LRP2: variants seen among roughly 807,000 people sequenced by gnomAD.
LRP2 encodes the protein low-density lipoprotein receptor-related protein 2.
LRP2 carries 172 observed loss-of-function variants against 531.0 expected under a neutral mutation model. The ratio of observed to expected loss-of-function variants is 0.32; its 90% CI spans 0.29 to 0.37. The LOEUF (loss-of-function observed/expected upper bound fraction) is 0.37, where lower values mean the gene tolerates loss of function less well. Among genes scored for constraint, LRP2 ranks in the 10% least tolerant of loss-of-function variants. The pLI, the probability that LRP2 is intolerant of heterozygous loss-of-function variation, is 1.00. For missense variants in LRP2, 5,167 were observed against 5,868.3 expected (o/e 0.88, Z 3.90); for synonymous variants, 1,992 against 2,027.6 (o/e 0.98, Z 0.47).
chr2:169,299,127 G>GAAGGAAAT (rs1684213548), intron 4 of LRP2, among the ~76,000 whole-genome samples: 1 of 84,798 alleles, frequency 1.2e-5, no homozygotes, highest in African/African-American at 4.5e-5. Context: ...AAGAAAGAAA[G>GAAGGAAAT]AAAGAAAGAA....
At chr2:169,291,579 G>A (rs1177268568) in intron 7 of LRP2, among the ~76,000 whole-genome samples, 2 of 152,126 alleles carry the variant, frequency 1.3e-5, no homozygotes, top group African/African-American at 4.8e-5. Flanking sequence ...ATTGTTGGAG[G>A]TACTGCTGAT....
rs754354761 is a variant in LRP2, at chr2:169,237,190, A to G, written c.4604T>C (p.Val1535Ala). The G allele has an allele frequency of 7.7e-5, 125 of 1,613,730 alleles. No homozygotes were observed. The highest frequency in any genetic ancestry group is 9.7e-5 in the Non-Finnish European group (115 of 1,179,810). Residue 1535 changes from valine (V) to alanine (A), a missense_variant, in exon 28 of 79, where the codon GTC becomes GCC. This residue lies in a region of LRP2 where 2,811 missense variants were observed against 3,058.0 expected (regional missense o/e 0.92). Coordinates refer to ENST00000649046, the MANE Select transcript of LRP2 (RefSeq NM_004525.3). The part of the protein sequence containing the change: ...WTDYALETIE[V>A]SKIDGSHRTV... The stretch of plus-strand genomic sequence containing the variant: ...CCTGTGGCTCCCATCAATTTTGGAG[A>G]CTTCAATTGTTTCCAGAGCATAGTC...
chr2:169,300,889 C>T (rs1255729212), intron 4 of LRP2, among the ~76,000 whole-genome samples: 3 of 152,070 alleles, frequency 2.0e-5, no homozygotes, highest in Admixed American at 6.6e-5. Context: ...TCACAGTCCA[C>T]AAAATGACTT....
At chr2:169,195,008 C>T (rs1687959345) in intron 46 of LRP2, among the ~76,000 whole-genome samples, 2 of 152,174 alleles carry the variant, frequency 1.3e-5, no homozygotes, top group Non-Finnish European at 2.9e-5. Context: ...CGCGCCTGGC[C>T]TGATCCAGAT....
At chr2:169,323,963 A>G (rs186539110) in intron 1 of LRP2, among the ~76,000 whole-genome samples, 7 of 152,264 alleles carry the variant, frequency 4.6e-5, no homozygotes, top group Admixed American at 1.3e-4. Flanking sequence ...TCACAAAGGA[A>G]CCATCGGAAC....
chr2:169,356,767 A>G (rs1217743435), intron 1 of LRP2, among the ~76,000 whole-genome samples: 2 of 152,250 alleles, frequency 1.3e-5, no homozygotes, highest in Admixed American at 1.3e-4. Context: ...GCTGATCATT[A>G]TCAAGAAGCA....
chr2:169,339,002 C>T (rs1451812929), intron 1 of LRP2, among the ~76,000 whole-genome samples: 1 of 152,040 alleles, frequency 6.6e-6, no homozygotes, highest in Non-Finnish European at 1.5e-5. Context: ...ATGGGTCTGG[C>T]ATATCAGTAA....
At chr2:169,129,699 G>A (rs918203558) in intron 77 of LRP2, among the ~76,000 whole-genome samples, 4 of 152,110 alleles carry the variant, frequency 2.6e-5, no homozygotes, top group African/African-American at 9.7e-5. Flanking sequence ...TACTTGCTGA[G>A]TCACAGCAAG....
In LRP2 at chr2:169,146,875, G is replaced by A. The variant is rs749138980; in HGVS notation, c.12675C>T (p.Phe4225=). ...GGCCAGTTGGCCAACCAAGGTCCTCGAAAACCAGGATGTTGCGGTCCTCTC... is the reference window on the plus strand; with the variant it reads ...GGCCAGTTGGCCAACCAAGGTCCTCAAAAACCAGGATGTTGCGGTCCTCTC... ...MNGEDRNILV[F]EDLGWPTGLS... is the part of the protein sequence containing the mutation. The change falls in exon 69 of 79, where the codon TTC becomes TTT. Residue 4225 remains phenylalanine (F), a synonymous_variant. Coordinates refer to ENST00000649046, the MANE Select transcript of LRP2 (RefSeq NM_004525.3). The A allele has an allele frequency of 1.4e-5, 22 of 1,614,090 alleles. No individual in the cohort carries two copies. The highest frequency in any genetic ancestry group is 6.7e-5 in the Admixed American group (4 of 60,010).
chr2:169,203,109 T>C, intron 42 of LRP2, 150 bp from the exon 43 acceptor site: 1 of 702,148 alleles, frequency 1.4e-6, no homozygotes, highest in Non-Finnish European at 2.5e-6. Flanking sequence ...TTAACTATAT[T>C]CTGAGTCACT....
In LRP2 at chr2:169,155,767, T is replaced by C. The variant is rs532153501; in HGVS notation, c.12151+507A>G. On this transcript the variant is annotated intron_variant, in intron 65 of 78. Transcript: ENST00000649046. ...AAGTTATGACTGTGCCAGACTCCTT[T>C]CTGCCTGTGATCAGTAGTCCATGAA... Among the ~76,000 whole-genome samples the C allele has an allele frequency of 2.6e-5, 4 of 152,310 alleles. No individual in the cohort carries two copies. In the East Asian group the frequency reaches 5.8e-4, roughly 22 times the overall value.
At chr2:169,209,280 G>T (rs978041803) in intron 38 of LRP2, among the ~76,000 whole-genome samples, 173 bp downstream of exon 38, 2 of 152,106 alleles carry the variant, frequency 1.3e-5, no homozygotes, top group African/African-American at 4.8e-5. Context: ...CTGAAACACC[G>T]TATCATTTAT....
intron 26 of LRP2, 55 bp downstream of exon 26, chr2:169,239,467 CATTTG>C: frequency 6.2e-7 from 1 of 1,613,068 alleles, no homozygotes; most frequent in Non-Finnish European, 8.5e-7. Flanking sequence ...CTACATGTGC[CATTTG>C]ATTTTAAGCT....
rs1685166904 is a variant in LRP2, at chr2:169,128,340, A to C, written c.*323T>G. On this transcript the variant is annotated 3_prime_UTR_variant, in exon 79 of 79. Transcript: ENST00000649046. ...TGTTGGATCATTTACTATAATGATCACCAACCAAATCAGCAGACATCTTTA... is the reference window on the plus strand; with the variant it reads ...TGTTGGATCATTTACTATAATGATCCCCAACCAAATCAGCAGACATCTTTA... 1 of 243,586 alleles carries C rather than the reference A, an allele frequency of 4.1e-6. No homozygotes were observed. The highest frequency in any genetic ancestry group is 5.0e-5 in the South Asian group (1 of 20,004). 15.1% of individuals were successfully genotyped at this position (243,586 alleles called of 1,614,324 possible). A position where few individuals can be genotyped will look rare whatever the true frequency, so the allele number is the denominator to read the frequency against.
At chr2:169,292,475 A>G (rs1160562671) in intron 6 of LRP2, 106 bp from the exon 7 acceptor site, 14 of 796,274 alleles carry the variant, frequency 1.8e-5, no homozygotes, top group Non-Finnish European at 2.9e-5. Context: ...TGAAATTTCT[A>G]TATCAATTTA....
chr2:169,143,469 C>T (rs1338933515), intron 70 of LRP2, among the ~76,000 whole-genome samples: 2 of 151,800 alleles, frequency 1.3e-5, no homozygotes, highest in South Asian at 2.1e-4. Context: ...AGTGAAACCT[C>T]GTCTCTACTA....
intron 46 of LRP2, among the ~76,000 whole-genome samples, chr2:169,194,447 C>G (rs1404543002): frequency 6.6e-6 from 1 of 152,146 alleles, no homozygotes; most frequent in Non-Finnish European, 1.5e-5. Flanking sequence ...GTTCCTAGAA[C>G]ACCACTGTTC....
At chr2:169,157,305 G>A in intron 64 of LRP2, 66 bp downstream of exon 64, 1 of 1,481,238 alleles carries the variant, frequency 6.8e-7, no homozygotes, top group Non-Finnish European at 9.4e-7. Flanking sequence ...TTTAACAAAG[G>A]GGAGTGGGTG....
At chr2:169,233,632 A>T in intron 29 of LRP2, 44 bp from the exon 30 acceptor site, 1 of 1,563,980 alleles carries the variant, frequency 6.4e-7, no homozygotes. Flanking sequence ...CAAAAATCAA[A>T]GCCAAGGTGC....
Sources: allele counts gnomAD v4.1 joint callset (sites outside exome capture counted in the v4.1 genomes callset), GRCh38; gene constraint gnomAD v4.1.1; regional missense constraint gnomAD v4.1.1; transcripts MANE v1.5; gene names NCBI Gene and HGNC (gene_info 2026-07-23, HGNC 2026-07-21).